The following SYCP2 variants were observed in gnomAD, a reference collection of about 807,000 sequenced individuals.
SYCP2 encodes the protein synaptonemal complex lateral element protein.
Under a neutral mutation model 211.3 loss-of-function variants are expected in SYCP2, and 55 were observed. That is an observed-to-expected ratio of 0.26 (90% CI 0.21 to 0.33). The LOEUF (loss-of-function observed/expected upper bound fraction) is 0.33. SYCP2 is among the 10% of genes least tolerant of loss of function. The pLI is 1.00. For synonymous variants in SYCP2, 570 were observed against 555.2 expected (o/e 1.03, Z -0.37); for missense variants, 1,731 against 1,752.0 (o/e 0.99, Z 0.21).
At chr20:59,915,047 T>C (rs2060410754) in intron 10 of SYCP2, 118 bp downstream of exon 10, 1 of 709,782 alleles carries the variant, frequency 1.4e-6, no homozygotes, top group East Asian at 2.6e-5. Context: ...TGCTTAATTG[T>C]ACATAATGTT....
intron 4 of SYCP2, among the ~76,000 whole-genome samples, 184 bp downstream of exon 4, chr20:59,921,126 C>T (rs2060533754): frequency 6.6e-6 from 1 of 151,416 alleles, no homozygotes; most frequent in South Asian, 2.1e-4. Flanking sequence ...AATGACATTC[C>T]AATGTGTTGA....
At chr20:59,872,635 G>A (rs113187767) in intron 35 of SYCP2, among the ~76,000 whole-genome samples, 2 of 151,868 alleles carry the variant, frequency 1.3e-5, no homozygotes, top group African/African-American at 4.8e-5. Context: ...ATCTATTGGG[G>A]GGGTCTTGGA....
intron 10 of SYCP2, among the ~76,000 whole-genome samples, chr20:59,914,875 T>TAATTAAGCTATTATATTAAGCTATTA (rs1600962590): frequency 2.0e-5 from 3 of 152,092 alleles, no homozygotes; most frequent in East Asian, 3.9e-4. Flanking sequence ...TAAGCTTTAT[T>TAATTAAGCTATTATATTAAGCTATTA]AATTAAGCTA....
In SYCP2 at chr20:59,877,418, A is replaced by C. The variant is rs2059582466; in HGVS notation, c.3117T>G (p.Phe1039Leu). The change falls in exon 33 of 45, where the codon TTT becomes TTG. Residue 1039 changes from phenylalanine (F) to leucine (L), a missense_variant. Around this residue, in one of 3 missense-constraint regions of SYCP2, gnomAD observed 1,387 missense variants for 1,351.3 expected, o/e 1.03. Transcript: ENST00000357552. ...SNSESECEQE[F>L]SHSFKENIPV... ...GTATGTTCTCTTTAAATGAATGTGA[A>C]AATTCTTGTTCACACTCTGATTCTG... 1 of 1,592,102 alleles carries C rather than the reference A, an allele frequency of 6.3e-7. No individual in the cohort carries two copies. The highest frequency in any genetic ancestry group is 8.5e-7 in the Non-Finnish European group (1 of 1,174,456).
chr20:59,899,245 G>A (rs897026103), intron 18 of SYCP2, among the ~76,000 whole-genome samples: 1 of 152,006 alleles, frequency 6.6e-6, no homozygotes, highest in Non-Finnish European at 1.5e-5. Flanking sequence ...AGATATAAGG[G>A]GAGAAGAGGC....
In SYCP2 at chr20:59,919,603, AAAAGGAATG is replaced by A. The variant is rs1568981016; in HGVS notation, c.298-15_298-7del. On this transcript the variant is annotated splice_region_variant and splice_polypyrimidine_tract_variant and intron_variant, in intron 5 of 44. Transcript: ENST00000357552. ...TTTTCAAACCAGGCAACCATGTAAAAAAAGGAATGAACTTATTAGAGTTCCATTTTAATA... is the reference window on the plus strand; with the variant it reads ...TTTTCAAACCAGGCAACCATGTAAAAAACTTATTAGAGTTCCATTTTAATA... 1 of 1,558,956 alleles carries A rather than the reference AAAAGGAATG, an allele frequency of 6.4e-7. No homozygotes were observed. Among genetic ancestry groups the A allele is most frequent in the Non-Finnish European group, 8.8e-7 (1 of 1,135,256 alleles).
chr20:59,867,584 A>G (rs1360003674), intron 39 of SYCP2, 127 bp downstream of exon 39: 8 of 688,752 alleles, frequency 1.2e-5, no homozygotes, highest in Non-Finnish European at 1.9e-5. Flanking sequence ...TTATTCACAT[A>G]TAAGGAAAGT....
At chr20:59,919,737 G>T (rs2060506095) in intron 5 of SYCP2, 140 bp from the exon 6 acceptor site, 1 of 493,728 alleles carries the variant, frequency 2.0e-6, no homozygotes, top group South Asian at 3.7e-5. Context: ...ATAAATTCAT[G>T]TTTTTAAAGA....
rs369448872 is a variant in SYCP2 at position 59,880,458 on chromosome 20, T to C, written c.2786A>G (p.His929Arg). The C allele has an allele frequency of 1.2e-5, 19 of 1,569,656 alleles. No homozygotes were observed. Among genetic ancestry groups the C allele is most frequent in the African/African-American group, 4.1e-5 (3 of 73,484 alleles). ...ATCACTAAACAGATTTTTCTTTTGATGATTTGTTATAATCTATAAAAAAAA... is the reference window on the plus strand; with the variant it reads ...ATCACTAAACAGATTTTTCTTTTGACGATTTGTTATAATCTATAAAAAAAA... ...KTKDKKIITN[H>R]QKKNLFSDTE... Residue 929 changes from histidine to arginine, a missense_variant, in exon 31 of 45, where the codon CAT becomes CGT. This residue lies in a region of SYCP2 where 1,387 missense variants were observed against 1,351.3 expected (regional missense o/e 1.03). Coordinates refer to ENST00000357552, the MANE Select transcript of SYCP2 (RefSeq NM_014258.4).
Position 59,866,380 on chromosome 20 carries a change from A to C in SYCP2, c.4233T>G (p.Leu1411=). 6.3e-7 allele frequency: 1 copy of C among 1,586,780 alleles called. No homozygotes were observed. Among genetic ancestry groups the C allele is most frequent in the Non-Finnish European group, 8.6e-7 (1 of 1,163,884 alleles). The change falls in exon 41 of 45, where the codon CTT becomes CTG. Residue 1411 remains leucine, a synonymous_variant. Transcript: ENST00000357552. ...HQSQDSRIKK[L]DKFQFIIIEE... ...CTATGATAATGAATTGGAATTTATC[A>C]AGTTTTTTAATCCTATTACAGAAAC...
intron 2 of SYCP2, among the ~76,000 whole-genome samples, chr20:59,922,662 A>C (rs1306963908): frequency 6.6e-6 from 1 of 151,774 alleles, no homozygotes; most frequent in African/African-American, 2.4e-5. Context: ...TCATTTAGTC[A>C]AGCTCTTCCT....
chr20:59,890,581 AGTAGGTAG>A (rs139061503), intron 24 of SYCP2, among the ~76,000 whole-genome samples: 5,116 of 151,438 alleles, frequency 0.034, 252 homozygotes, highest in African/African-American at 0.11. Flanking sequence ...TAGGTAGGTA[AGTAGGTAG>A]GTAGGTAGGT....
intron 36 of SYCP2, among the ~76,000 whole-genome samples, 158 bp from the exon 37 acceptor site, chr20:59,869,083 G>C (rs1054609245): frequency 3.3e-5 from 5 of 151,598 alleles, no homozygotes; most frequent in Non-Finnish European, 3.0e-5. Flanking sequence ...TATTTACCAT[G>C]TGTTAACCTT....
intron 12 of SYCP2, among the ~76,000 whole-genome samples, chr20:59,913,212 T>C (rs917898478): frequency 5.3e-5 from 8 of 152,202 alleles, no homozygotes; most frequent in Non-Finnish European, 1.5e-5. Flanking sequence ...CATTTTAATC[T>C]ATATCACAAA....
chr20:59,904,420 G>A lies in SYCP2; in HGVS notation c.1034-2610C>T, dbSNP rs550277033. The stretch of plus-strand genomic sequence containing the variant: ...AATAGGCTCATCATCAACAGACTGG[G>A]ATGGCCACACCTGAGTAATAGAGGC... On this transcript the variant is annotated intron_variant, in intron 15 of 44. Coordinates refer to ENST00000357552, the MANE Select transcript of SYCP2 (RefSeq NM_014258.4). Among the ~76,000 whole-genome samples, 5 of 152,208 alleles carry A rather than the reference G, an allele frequency of 3.3e-5. No individual in the cohort carries two copies. In the South Asian group the frequency reaches 8.3e-4, roughly 25 times the overall value.
chr20:59,932,014 G>A (rs2060755652), intron 2 of SYCP2, 48 bp downstream of exon 2: 1 of 152,100 alleles, frequency 6.6e-6, no homozygotes, highest in Non-Finnish European at 1.5e-5. Context: ...GAACGACTTC[G>A]GAAACCGAGA....
In SYCP2 at chr20:59,892,208, A is replaced by G. The variant is rs1326270205; in HGVS notation, c.2146T>C (p.Trp716Arg). 6.2e-7 allele frequency: 1 copy of G among 1,612,724 alleles called. No individual in the cohort carries two copies. Among genetic ancestry groups the G allele is most frequent in the Non-Finnish European group, 8.5e-7 (1 of 1,179,188 alleles). ...AAAGTAGTTTCAGATTCAACAGGCCAATCACTCTGCTTGGCATTTTCAGTA... is the reference window on the plus strand; with the variant it reads ...AAAGTAGTTTCAGATTCAACAGGCCGATCACTCTGCTTGGCATTTTCAGTA... ...KNTENAKQSD[W>R]PVESETTFKS... The change falls in exon 24 of 45, where the codon TGG (tryptophan) becomes CGG (arginine). Residue 716 changes from tryptophan (W) to arginine (R), a missense_variant. Transcript: ENST00000357552.
chr20:59,900,129 C>T lies in SYCP2; in HGVS notation c.1404+9G>A. The T allele has an allele frequency of 2.5e-6, 4 of 1,612,386 alleles. No individual in the cohort carries two copies. The highest frequency in any genetic ancestry group is 1.1e-5 in the South Asian group (1 of 91,010). The stretch of plus-strand genomic sequence containing the variant: ...GTTTTATAAGCCAGTATTTTGACAC[C>T]ATCTTTACCTCAAGCTGACTATTAT... On this transcript the variant is annotated intron_variant, in intron 18 of 44. Coordinates refer to ENST00000357552, the MANE Select transcript of SYCP2 (RefSeq NM_014258.4).
intron 5 of SYCP2, among the ~76,000 whole-genome samples, 155 bp from the exon 6 acceptor site, chr20:59,919,752 C>T (rs542479563): frequency 4.6e-5 from 7 of 151,340 alleles, no homozygotes; most frequent in Non-Finnish European, 1.0e-4. Context: ...TAAAGATCTT[C>T]CTTGTTTTTT....
Sources: gnomAD v4.1 joint callset for allele counts (sites outside exome capture counted in the v4.1 genomes callset) on GRCh38, gnomAD v4.1.1 for gene constraint, gnomAD v4.1.1 regional missense constraint, MANE v1.5 for transcripts, NCBI Gene and HGNC (gene_info 2026-07-23, HGNC 2026-07-21) for gene names.